B3GLCT: variants seen among roughly 807,000 people sequenced by gnomAD.
B3GLCT encodes the protein beta-1,3-glucosyltransferase.
Under a neutral mutation model 63.4 loss-of-function variants are expected in B3GLCT, and 65 were observed. The observed-to-expected ratio is 1.03, with a 90% confidence interval of 0.84 to 1.26. The LOEUF (loss-of-function observed/expected upper bound fraction) is 1.26, where lower values mean the gene tolerates loss of function less well. Among genes scored for constraint, B3GLCT ranks in the 50% most tolerant of loss-of-function variants. The probability of loss-of-function intolerance (pLI) is 0.00; values close to 1 mark genes in which losing one functional copy is unlikely to be tolerated. For missense variants in B3GLCT, 577 were observed against 604.8 expected (o/e 0.95, Z 0.48); for synonymous variants, 233 against 219.2 (o/e 1.06, Z -0.55).
At chr13:31,316,768 G>C (rs1408279676) in intron 12 of B3GLCT, among the ~76,000 whole-genome samples, 2 of 151,900 alleles carry the variant, frequency 1.3e-5, no homozygotes, top group African/African-American at 4.8e-5. Context: ...ACTTAAAAAA[G>C]TTATTTTTCG....
rs188531937 is a variant in B3GLCT at position 31,259,177 on chromosome 13, A to G, written c.460-1769A>G. ...TTTATCCTTAAAGAACACATTAACC[A>G]TAGCTGTTTAAAAGTCTTATTTGAT... On this transcript the variant is annotated intron_variant, in intron 6 of 14. Transcript: ENST00000343307. Among the ~76,000 whole-genome samples, 15 of 152,346 alleles carry G rather than the reference A, an allele frequency of 9.8e-5. No individual in the cohort carries two copies. In the East Asian group the frequency reaches 2.7e-3, roughly 27 times the overall value.
intron 6 of B3GLCT, among the ~76,000 whole-genome samples, chr13:31,254,328 C>T (rs745670970): frequency 1.6e-4 from 25 of 152,192 alleles, no homozygotes; most frequent in Non-Finnish European, 2.5e-4. Flanking sequence ...TTATCCACCA[C>T]GATCAAGTTG....
chr13:31,326,429 G>A (rs1875627223), intron 14 of B3GLCT, among the ~76,000 whole-genome samples: 1 of 151,724 alleles, frequency 6.6e-6, no homozygotes, highest in African/African-American at 2.4e-5. Context: ...GACTATAGGT[G>A]TGTGCCACCC....
chr13:31,302,213 G>A (rs117215670), intron 12 of B3GLCT, among the ~76,000 whole-genome samples: 2,652 of 152,274 alleles, frequency 0.017, 38 homozygotes, highest in Non-Finnish European at 0.026. Flanking sequence ...TTTATATGAG[G>A]TGCCTATGCA....
Position 31,323,735 on chromosome 13 carries a change from C to T in B3GLCT, c.1185-16C>T. 6.2e-7 allele frequency: 1 copy of T among 1,614,066 alleles called. No individual in the cohort carries two copies. The highest frequency in any genetic ancestry group is 8.5e-7 in the Non-Finnish European group (1 of 1,179,978). On this transcript the variant is annotated splice_polypyrimidine_tract_variant and intron_variant, in intron 13 of 14. Transcript: ENST00000343307. ...GGAGCTTCTCTAACCCCTTTCTCTGCTCTGGCTCCCACTAGAATGGTCTTC... is the reference window on the plus strand; with the variant it reads ...GGAGCTTCTCTAACCCCTTTCTCTGTTCTGGCTCCCACTAGAATGGTCTTC...
chr13:31,327,401 T>G (rs1875686384), intron 14 of B3GLCT, among the ~76,000 whole-genome samples: 1 of 152,200 alleles, frequency 6.6e-6, no homozygotes, highest in Admixed American at 6.5e-5. Flanking sequence ...AAGGGAGGAT[T>G]CATGCCCAGT....
intron 12 of B3GLCT, among the ~76,000 whole-genome samples, chr13:31,313,706 C>G (rs1021658920): frequency 6.6e-6 from 1 of 152,208 alleles, no homozygotes; most frequent in Non-Finnish European, 1.5e-5. Context: ...GGGAGAAAGT[C>G]AAGCCGGCTG....
At chr13:31,201,251 A>G (rs183467767) in intron 1 of B3GLCT, among the ~76,000 whole-genome samples, 2 of 152,310 alleles carry the variant, frequency 1.3e-5, no homozygotes, top group Admixed American at 6.5e-5. Context: ...GAACCTTGAC[A>G]GCCTGTTTTT....
chr13:31,206,607 A>C (rs1868968513), intron 1 of B3GLCT, among the ~76,000 whole-genome samples: 1 of 122,790 alleles, frequency 8.1e-6, no homozygotes, highest in African/African-American at 3.0e-5. Flanking sequence ...AAAAAAAGGT[A>C]GCCGGGCATG....
At chr13:31,273,722 C>T (rs1331488685) in intron 8 of B3GLCT, among the ~76,000 whole-genome samples, 1 of 152,018 alleles carries the variant, frequency 6.6e-6, no homozygotes, top group African/African-American at 2.4e-5. Flanking sequence ...TTAGCTTCTG[C>T]CTGTTGCTAG....
intron 1 of B3GLCT, among the ~76,000 whole-genome samples, chr13:31,207,978 G>A (rs918055696): frequency 2.0e-5 from 3 of 152,168 alleles, no homozygotes; most frequent in African/African-American, 7.2e-5. Flanking sequence ...CTTAATTCTT[G>A]TTCCATTTCT....
chr13:31,224,273 A>T (rs1250057154), intron 3 of B3GLCT, among the ~76,000 whole-genome samples: 2 of 152,150 alleles, frequency 1.3e-5, no homozygotes, highest in African/African-American at 4.8e-5. Context: ...CCCTGCTACC[A>T]ACTCTGTGGC....
chr13:31,234,122 A>G (rs1265106973), intron 4 of B3GLCT, among the ~76,000 whole-genome samples: 1 of 151,252 alleles, frequency 6.6e-6, no homozygotes, highest in Non-Finnish European at 1.5e-5. Flanking sequence ...GGTTCATGCC[A>G]TTCTCCTGCC....
intron 4 of B3GLCT, among the ~76,000 whole-genome samples, chr13:31,241,770 C>T (rs551896481): frequency 1.6e-3 from 245 of 152,170 alleles, no homozygotes; most frequent in African/African-American, 4.5e-3. Flanking sequence ...TCACTGAAGG[C>T]GGCAATACAT....
chr13:31,265,107 C>T (rs964356076), intron 7 of B3GLCT, among the ~76,000 whole-genome samples: 2 of 152,196 alleles, frequency 1.3e-5, no homozygotes, highest in African/African-American at 2.4e-5. Context: ...AAGTGCTTGT[C>T]CTCAGTCTGG....
At chr13:31,325,186 G>T (rs1303017179) in intron 14 of B3GLCT, among the ~76,000 whole-genome samples, 1 of 150,848 alleles carries the variant, frequency 6.6e-6, no homozygotes, top group Non-Finnish European at 1.5e-5. Flanking sequence ...GATAAAAAGA[G>T]ACCTTTAATA....
At position 31,274,602 on chromosome 13, in the gene B3GLCT, A is replaced by T; in HGVS notation, c.754A>T (p.Thr252Ser). 1 of 1,614,228 alleles carries T rather than the reference A, an allele frequency of 6.2e-7. No homozygotes were observed. Among genetic ancestry groups the T allele is most frequent in the South Asian group, 1.1e-5 (1 of 91,092 alleles). ...TGACGTGGACTTCTACTGTGCTACCACATTCCATTCTTTTCTACCGCTTTG... is the reference window on the plus strand; with the variant it reads ...TGACGTGGACTTCTACTGTGCTACCTCATTCCATTCTTTTCTACCGCTTTG... ...TNDVDFYCAT[T>S]FHSFLPLCRK... The change falls in exon 9 of 15, where the codon ACA (threonine) becomes TCA (serine). Residue 252 changes from threonine to serine, a missense_variant. Coordinates refer to ENST00000343307, the MANE Select transcript of B3GLCT (RefSeq NM_194318.4).
chr13:31,325,161 G>T lies in B3GLCT; in HGVS notation c.1329+1266G>T, dbSNP rs531195378. Among the ~76,000 whole-genome samples, 79 of 152,294 alleles carry T rather than the reference G, an allele frequency of 5.2e-4. No homozygotes were observed. The South Asian group carries it at 0.015, about 30-fold the overall frequency. On this transcript the variant is annotated intron_variant, in intron 14 of 14. Coordinates refer to ENST00000343307, the MANE Select transcript of B3GLCT (RefSeq NM_194318.4). The stretch of plus-strand genomic sequence containing the variant: ...AGGCAGAATCCATTTCTGTATCCTT[G>T]AGACAATAAGAGAGGATAAAAAGAG...
intron 6 of B3GLCT, among the ~76,000 whole-genome samples, chr13:31,249,315 G>A (rs1163174005): frequency 1.3e-5 from 2 of 152,072 alleles, no homozygotes; most frequent in Non-Finnish European, 2.9e-5. Flanking sequence ...AGATATAATT[G>A]GATGAGAAGG....
Sources: allele counts gnomAD v4.1 joint callset (sites outside exome capture counted in the v4.1 genomes callset), GRCh38; gene constraint gnomAD v4.1.1; transcripts MANE v1.5; gene names NCBI Gene and HGNC (gene_info 2026-07-23, HGNC 2026-07-21).